The following HLCS variants were observed in gnomAD, a reference collection of about 807,000 sequenced individuals.
HLCS encodes biotin--protein ligase.
HLCS carries 53 observed loss-of-function variants against 75.0 expected under a neutral mutation model. The ratio of observed to expected loss-of-function variants is 0.71; its 90% CI spans 0.57 to 0.89. The LOEUF is 0.89. Ranked by LOEUF, HLCS falls within the 40% of genes least tolerant of loss-of-function variation. The pLI, the probability that HLCS is intolerant of heterozygous loss-of-function variation, is 0.00. For synonymous variants in HLCS, 431 were observed against 428.6 expected (o/e 1.01, Z -0.07); for missense variants, 966 against 1,074.0 (o/e 0.90, Z 1.41).
In HLCS at chr21:36,944,585, CTTT is replaced by C. The variant is rs749422486; in HGVS notation, c.331-5594_331-5592del. On this transcript the variant is annotated intron_variant, in intron 2 of 10. Coordinates refer to ENST00000674895, the MANE Select transcript of HLCS (RefSeq NM_001352514.2). ...AATTTCTTTATTTTTTTTCCTGCTTCTTTGTTTTGATTTTGGTTTTGGTTTTTT... is the reference window on the plus strand; with the variant it reads ...AATTTCTTTATTTTTTTTCCTGCTTCGTTTTGATTTTGGTTTTGGTTTTTT... 1.0e-3 allele frequency among the ~76,000 whole-genome samples: 156 copies of C among 151,930 alleles called. 1 individual carries two copies. Among genetic ancestry groups the C allele is most frequent in the African/African-American group, 3.6e-3 (149 of 41,452 alleles).
intron 8 of HLCS, among the ~76,000 whole-genome samples, chr21:36,760,160 C>T (rs184144003): frequency 7.9e-5 from 12 of 152,266 alleles, no homozygotes; most frequent in Admixed American, 7.2e-4. Flanking sequence ...TATCCACCAC[C>T]ACCACCACCA....
chr21:36,828,458 G>A (rs570390996), intron 6 of HLCS, among the ~76,000 whole-genome samples: 1 of 152,248 alleles, frequency 6.6e-6, no homozygotes, highest in African/African-American at 2.4e-5. Context: ...CCCTGGAAAC[G>A]TTAATAAGGT....
At chr21:36,898,532 G>T (rs2065109038) in intron 5 of HLCS, among the ~76,000 whole-genome samples, 1 of 151,870 alleles carries the variant, frequency 6.6e-6, no homozygotes, top group Admixed American at 6.6e-5. Context: ...AGCCGGGCTG[G>T]AATCTTCAAC....
chr21:36,874,561 T>A (rs2063895161), intron 6 of HLCS, among the ~76,000 whole-genome samples: 1 of 152,244 alleles, frequency 6.6e-6, no homozygotes, highest in African/African-American at 2.4e-5. Flanking sequence ...AGTCTTAAAG[T>A]TAAGTAGTAT....
At chr21:36,911,166 C>T (rs1307041637) in intron 5 of HLCS, among the ~76,000 whole-genome samples, 2 of 152,228 alleles carry the variant, frequency 1.3e-5, no homozygotes, top group Admixed American at 6.5e-5. Flanking sequence ...TAATGGGCTA[C>T]AGCCAAGTAG....
chr21:36,899,174 T>C (rs1351057298), intron 5 of HLCS, among the ~76,000 whole-genome samples: 1 of 152,106 alleles, frequency 6.6e-6, no homozygotes, highest in Admixed American at 6.5e-5. Context: ...TAAGGCAAAA[T>C]GTTGATAATT....
intron 5 of HLCS, among the ~76,000 whole-genome samples, chr21:36,929,933 A>T (rs1482081265): frequency 6.6e-6 from 1 of 152,218 alleles, no homozygotes; most frequent in Non-Finnish European, 1.5e-5. Flanking sequence ...AAGTCAAAAC[A>T]AATGTTTTCA....
At chr21:36,946,077 T>C in intron 2 of HLCS, 1 of 984,160 alleles carries the variant, frequency 1.0e-6, no homozygotes. Flanking sequence ...GGTGCTCTTA[T>C]GGTTCCAAAA....
chr21:36,959,937 T>C (rs1008631117), intron 2 of HLCS, among the ~76,000 whole-genome samples: 4 of 152,214 alleles, frequency 2.6e-5, no homozygotes, highest in Admixed American at 6.5e-5. Context: ...AGAGAAGAAC[T>C]GTGGCCCTTT....
intron 6 of HLCS, among the ~76,000 whole-genome samples, chr21:36,794,189 T>C (rs975253913): frequency 1.3e-5 from 2 of 152,374 alleles, no homozygotes; most frequent in Non-Finnish European, 2.9e-5. Context: ...TCTGGGGTTG[T>C]TTCTGTGAAC....
At chr21:36,770,709 C>T (rs2060178344) in intron 6 of HLCS, among the ~76,000 whole-genome samples, 1 of 151,614 alleles carries the variant, frequency 6.6e-6, no homozygotes. Context: ...TAGCTGGGAC[C>T]ACTATGGGTT....
intron 6 of HLCS, among the ~76,000 whole-genome samples, chr21:36,821,198 C>T (rs1443002112): frequency 1.3e-5 from 2 of 152,146 alleles, no homozygotes; most frequent in Non-Finnish European, 2.9e-5. Context: ...CGAGCTGACA[C>T]CACCTTGGGC....
intron 4 of HLCS, among the ~76,000 whole-genome samples, chr21:36,933,641 T>C (rs547168661): frequency 4.4e-4 from 48 of 109,320 alleles, no homozygotes; most frequent in African/African-American, 1.5e-3. Context: ...GACAAAGCCA[T>C]GCCAGTATAG....
chr21:36,983,551 T>C (rs564818382), intron 1 of HLCS, among the ~76,000 whole-genome samples: 1 of 151,926 alleles, frequency 6.6e-6, no homozygotes, highest in East Asian at 2.0e-4. Context: ...AAAAATGATT[T>C]TTTTGGCCGG....
At chr21:36,932,929 A>C (rs2066711472) in intron 4 of HLCS, among the ~76,000 whole-genome samples, 1 of 152,070 alleles carries the variant, frequency 6.6e-6, no homozygotes, top group South Asian at 2.1e-4. Context: ...ACCAGCCTGG[A>C]CAACATGGTG....
intron 5 of HLCS, among the ~76,000 whole-genome samples, chr21:36,921,263 G>A (rs554135663): frequency 7.2e-5 from 11 of 152,292 alleles, no homozygotes; most frequent in African/African-American, 2.6e-4. Flanking sequence ...TGACCAACAT[G>A]GTGAAACCCC....
chr21:36,888,314 A>G (rs2064559387), intron 6 of HLCS, among the ~76,000 whole-genome samples: 1 of 151,506 alleles, frequency 6.6e-6, no homozygotes, highest in Admixed American at 6.6e-5. Flanking sequence ...GGGACTGACT[A>G]GGTAGGTGTG....
chr21:36,767,331 C>T, intron 6 of HLCS, 46 bp from the exon 7 acceptor site: 1 of 1,582,078 alleles, frequency 6.3e-7, no homozygotes, highest in Non-Finnish European at 8.7e-7. Context: ...ATGGACACGC[C>T]CGCGGCACCA....
chr21:36,827,972 C>A (rs1285846136), intron 6 of HLCS, among the ~76,000 whole-genome samples: 18 of 152,002 alleles, frequency 1.2e-4, no homozygotes, highest in Non-Finnish European at 2.5e-4. Flanking sequence ...CGCCACCACA[C>A]CCAGCTAATT....
Sources: allele counts gnomAD v4.1 joint callset (sites outside exome capture counted in the v4.1 genomes callset), GRCh38; gene constraint gnomAD v4.1.1; transcripts MANE v1.5; gene names NCBI Gene and HGNC (gene_info 2026-07-23, HGNC 2026-07-21).